Variants in FRMD6 observed in about 807,000 individuals in gnomAD.
FRMD6 encodes FERM domain containing 6, also known as FERM domain-containing protein 6.
In FRMD6, 37 loss-of-function variants were observed where a neutral mutation model predicts 73.2. The observed-to-expected ratio is 0.51, with a 90% CI of 0.39 to 0.66. FRMD6 has a LOEUF of 0.66. FRMD6 is among the 30% of genes least tolerant of loss of function. The pLI, the probability that FRMD6 is intolerant of heterozygous loss-of-function variation, is 0.00. For synonymous variants in FRMD6, 273 were observed against 282.2 expected (o/e 0.97, Z 0.33); for missense variants, 714 against 780.5 (o/e 0.91, Z 1.02).
At position 51,720,104 on chromosome 14, in the gene FRMD6, C is replaced by CA. The variant is rs770880871; in HGVS notation, c.1075dup (p.Met359AsnfsTer40). On this transcript the variant is annotated frameshift_variant, in exon 11 of 14. Coordinates refer to ENST00000344768, the MANE Select transcript of FRMD6 (RefSeq NM_001267046.2). LOFTEE classifies it high-confidence loss of function. ...ACATCAGTGACAACCTGGACCTCGA[C>CA]ATGGACCAGCTGGAAAAACGGTCGC... The CA allele has an allele frequency of 6.2e-7, 1 of 1,613,726 alleles. No homozygotes were observed. The highest frequency in any genetic ancestry group is 8.5e-7 in the Non-Finnish European group (1 of 1,180,000).
chr14:51,567,152 G>T (rs937342565), intron 1 of FRMD6, among the ~76,000 whole-genome samples: 1 of 152,182 alleles, frequency 6.6e-6, no homozygotes, highest in African/African-American at 2.4e-5. Context: ...ATGCAGAAAC[G>T]TAGGCCAGGT....
chr14:51,413,990 A>T, the FRMD6 span, among the ~76,000 whole-genome samples: 45,844 of 151,958 alleles, frequency 0.3, 7,389 homozygotes, highest in African/African-American at 0.41. Context: ...TCCTTTGCCC[A>T]CTTTTTGATG....
At chr14:51,699,608 T>C (rs1013853915) in intron 3 of FRMD6, among the ~76,000 whole-genome samples, 3 of 152,174 alleles carry the variant, frequency 2.0e-5, no homozygotes, top group African/African-American at 7.2e-5. Flanking sequence ...ACTTGACTTC[T>C]CTCAATGTCA....
intron 1 of FRMD6, chr14:51,565,567 G>A (rs2139544782): frequency 6.6e-6 from 1 of 152,450 alleles, no homozygotes; most frequent in South Asian, 2.1e-4. Context: ...TGGGGGTGAT[G>A]GTGATGGTGG....
rs731715 is a variant in FRMD6, at chr14:51,715,363, T to A, written c.888T>A (p.Ser296=). The change falls in exon 10 of 14, where the codon TCT becomes TCA. Residue 296 remains serine, a synonymous_variant. Coordinates refer to ENST00000344768, the MANE Select transcript of FRMD6 (RefSeq NM_001267046.2). ...AGATTTTGCCAGATGGCTTGCCTTC[T>A]GCCCGGAAGCTCATATACTACACGG... ...KFEILPDGLP[S]ARKLIYYTGC... 1,104,400 of 1,585,652 alleles carry A rather than the reference T, an allele frequency of 0.7. 385,981 individuals carry two copies. The highest frequency in any genetic ancestry group is 0.7 in the Non-Finnish European group (819,488 of 1,164,346).
chr14:51,589,736 T>C (rs1400403805), intron 2 of FRMD6, among the ~76,000 whole-genome samples: 1 of 152,032 alleles, frequency 6.6e-6, no homozygotes, highest in Admixed American at 6.5e-5. Flanking sequence ...TTAAAACAAG[T>C]TCCATAGAAC....
At chr14:51,560,371 T>A (rs1887408834) in intron 1 of FRMD6, among the ~76,000 whole-genome samples, 1 of 152,240 alleles carries the variant, frequency 6.6e-6, no homozygotes, top group Non-Finnish European at 1.5e-5. Flanking sequence ...GTAATATTCA[T>A]GTAGGCCGGC....
intron 1 of FRMD6, among the ~76,000 whole-genome samples, chr14:51,656,603 G>C (rs1257108867): frequency 6.6e-6 from 1 of 152,018 alleles, no homozygotes; most frequent in Non-Finnish European, 1.5e-5. Context: ...TAGTACAGAT[G>C]AGGTTTCACC....
chr14:51,712,440 T>C (rs1469171093), intron 8 of FRMD6, 43 bp from the exon 9 acceptor site: 5 of 1,198,840 alleles, frequency 4.2e-6, no homozygotes, highest in South Asian at 3.8e-5. Context: ...TTACAGTATC[T>C]ATCATTTTTC....
intron 1 of FRMD6, among the ~76,000 whole-genome samples, chr14:51,540,294 C>T (rs770645692): frequency 2.6e-5 from 4 of 152,000 alleles, no homozygotes; most frequent in South Asian, 2.1e-4. Flanking sequence ...GTTGTCAGGC[C>T]GGACAGAAGG....
At chr14:51,644,099 G>A (rs1213822416) in intron 2 of FRMD6, among the ~76,000 whole-genome samples, 1 of 143,314 alleles carries the variant, frequency 7.0e-6, no homozygotes, top group African/African-American at 2.5e-5. Context: ...CAGGGGGAAG[G>A]CTAAAAATAG....
chr14:51,505,244 A>C (rs1566782200), intron 1 of FRMD6, among the ~76,000 whole-genome samples: 2 of 152,070 alleles, frequency 1.3e-5, no homozygotes, highest in South Asian at 4.1e-4. Context: ...TTTATTTTTA[A>C]ACTTTTTTTA....
intron 1 of FRMD6, among the ~76,000 whole-genome samples, chr14:51,512,460 G>A (rs1378049257): frequency 1.3e-5 from 2 of 152,154 alleles, no homozygotes; most frequent in East Asian, 3.9e-4. Flanking sequence ...TTGCTGAAAT[G>A]CTGCTGCAAA....
the FRMD6 span, among the ~76,000 whole-genome samples, chr14:51,413,462 A>T: frequency 6.6e-6 from 1 of 152,194 alleles, no homozygotes; most frequent in Admixed American, 6.5e-5. Context: ...TTCCATCTTC[A>T]TCCGTGTCCC....
At position 51,519,383 on chromosome 14, in the gene FRMD6, C is replaced by T. The variant is rs117984543; in HGVS notation, c.-210+29963C>T. Among the ~76,000 whole-genome samples the T allele has an allele frequency of 9.8e-3, 1,484 of 152,160 alleles. 13 individuals carry two copies. The highest frequency in any genetic ancestry group is 0.017 in the Non-Finnish European group (1,143 of 67,992). On this transcript the variant is annotated intron_variant, in intron 1 of 14. Transcript: ENST00000356218. ...TAGGCTGGTCTCGAACTTCTAACCT[C>T]GGGTGACCCACCCACCTCGGCTTCC...
At chr14:51,499,456 TA>T (rs1883480050) in intron 1 of FRMD6, among the ~76,000 whole-genome samples, 2 of 152,260 alleles carry the variant, frequency 1.3e-5, no homozygotes. Flanking sequence ...AGACATTGTA[TA>T]AAAGCTTCAA....
chr14:51,417,551 G>A, the FRMD6 span, among the ~76,000 whole-genome samples: 2 of 152,224 alleles, frequency 1.3e-5, no homozygotes, highest in Non-Finnish European at 2.9e-5. Context: ...CCCTTTGTGG[G>A]TAACCCAACC....
At chr14:51,596,914 T>C (rs959861962) in intron 2 of FRMD6, among the ~76,000 whole-genome samples, 5 of 152,236 alleles carry the variant, frequency 3.3e-5, no homozygotes, top group Non-Finnish European at 7.3e-5. Flanking sequence ...TCTGCTGCTC[T>C]GTTGTTGCAA....
At chr14:51,497,644 A>G (rs944085202) in intron 1 of FRMD6, among the ~76,000 whole-genome samples, 1 of 152,244 alleles carries the variant, frequency 6.6e-6, no homozygotes, top group African/African-American at 2.4e-5. Flanking sequence ...TGTATCTAAA[A>G]CATTATCATT....
Sources: gnomAD v4.1 joint callset for allele counts (sites outside exome capture counted in the v4.1 genomes callset) on GRCh38, gnomAD v4.1.1 for gene constraint, MANE v1.5 for transcripts, NCBI Gene and HGNC (gene_info 2026-07-23, HGNC 2026-07-21) for gene names.